Variants in AKNAD1 observed in about 807,000 individuals in gnomAD.
AKNAD1 encodes the protein protein AKNAD1.
In AKNAD1, 67 loss-of-function variants were observed where a neutral mutation model predicts 90.8. The observed-to-expected ratio is 0.74, with a 90% CI of 0.61 to 0.90. The LOEUF is 0.90. Ranked by LOEUF, AKNAD1 falls within the 40% of genes least tolerant of loss-of-function variation. AKNAD1 has a pLI of 0.00. For synonymous variants in AKNAD1, 327 were observed against 341.4 expected, an observed-to-expected ratio of 0.96 and a Z score of 0.46; for missense variants, 957 against 975.4, an observed-to-expected ratio of 0.98 and a Z score of 0.25.
At chr1:108,841,361 T>C (rs1183677687) in intron 6 of AKNAD1, among the ~76,000 whole-genome samples, 2 of 151,824 alleles carry the variant, frequency 1.3e-5, no homozygotes, top group Non-Finnish European at 2.9e-5. Context: ...TTGAGGGAAG[T>C]TGTGATCTTT....
chr1:108,850,486 G>A (rs1664817725), intron 2 of AKNAD1, among the ~76,000 whole-genome samples: 2 of 152,144 alleles, frequency 1.3e-5, no homozygotes, highest in African/African-American at 2.4e-5. Flanking sequence ...ATACCACGGG[G>A]GTGTAGGTTT....
At chr1:108,836,660 A>T (rs1664396661) in intron 7 of AKNAD1, 1 of 152,210 alleles carries the variant, frequency 6.6e-6, no homozygotes, top group South Asian at 2.1e-4. Flanking sequence ...CTTTGACAAA[A>T]TCCTCATTCA....
At chr1:108,853,126 TTTC>T (rs1664919890) in intron 1 of AKNAD1, among the ~76,000 whole-genome samples, 1 of 139,256 alleles carries the variant, frequency 7.2e-6, no homozygotes, top group African/African-American at 2.9e-5. Flanking sequence ...ATTGATTTTT[TTTC>T]TTTTTTCTTT....
intron 2 of AKNAD1, 72 bp downstream of exon 2, chr1:108,851,600 T>C: frequency 1.4e-6 from 2 of 1,434,530 alleles, no homozygotes; most frequent in Non-Finnish European, 1.9e-6. Context: ...CTATTCACCC[T>C]CCAAAAACCC....
Position 108,817,039 on chromosome 1 carries a change from A to T in AKNAD1, c.2379+9T>A, listed in dbSNP as rs751358798. 6.2e-7 allele frequency: 1 copy of T among 1,613,640 alleles called. No homozygotes were observed. Among genetic ancestry groups the T allele is most frequent in the South Asian group, 1.1e-5 (1 of 90,956 alleles). On this transcript the variant is annotated intron_variant, in intron 15 of 15. Coordinates refer to ENST00000370001, the MANE Select transcript of AKNAD1 (RefSeq NM_152763.5). ...GCAATGCTTCTCGAATGATTTTCTA[A>T]GTCCTCACCTCAGATTTTATTTCTT...
Position 108,823,433 on chromosome 1 carries a change from G to A in AKNAD1, c.2104C>T (p.His702Tyr), listed in dbSNP as rs1023388636. The A allele has an allele frequency of 2.5e-6, 4 of 1,614,164 alleles. No homozygotes were observed. Among genetic ancestry groups the A allele is most frequent in the Non-Finnish European group, 3.4e-6 (4 of 1,180,004 alleles). ...TGGACAAAGGCACCTCTTTTGCTAT[G>A]ATTTGAGTAATTCTGTCCTGGAGTG... ...YNTPGQNYSN[H>Y]SKRGAFVQPH... is the part of the protein sequence containing the mutation. Residue 702 changes from histidine (H) to tyrosine (Y), a missense_variant, in exon 13 of 16, where the codon CAT becomes TAT. By Grantham distance (83) the His-to-Tyr change is moderately conservative. Coordinates refer to ENST00000370001, the MANE Select transcript of AKNAD1 (RefSeq NM_152763.5).
rs1256187992 is a variant in AKNAD1, at chr1:108,852,621, TC to T, written c.43del (p.Glu15ArgfsTer14). 2.5e-6 allele frequency: 4 copies of T among 1,605,902 alleles called. No individual in the cohort carries two copies. The highest frequency in any genetic ancestry group is 3.4e-6 in the Non-Finnish European group (4 of 1,176,482). On this transcript the variant is annotated frameshift_variant, in exon 2 of 16. Coordinates refer to ENST00000370001, the MANE Select transcript of AKNAD1 (RefSeq NM_152763.5). LOFTEE classifies it high-confidence loss of function. ...DFSEHTTYKQ[E>X]DLPYDGDLSQ... Reference sequence around the variant, plus strand: ...GAGGTCCCCATCATAAGGCAAATCCTCCTGCTTATAAGTCGTGTGTTCTGAA... The same window carrying T: ...GAGGTCCCCATCATAAGGCAAATCCTCTGCTTATAAGTCGTGTGTTCTGAA...
rs1663635922 is a variant in AKNAD1, at chr1:108,817,077, A to C, written c.2350T>G (p.Phe784Val). The change falls in exon 15 of 16, where the codon TTT (phenylalanine) becomes GTT (valine). Residue 784 changes from phenylalanine to valine, a missense_variant. Transcript: ENST00000370001. ...RISGSKSLCD[F>V]DSTEEIKSEI... ...GATTTTATTTCTTCAGTGCTATCAA[A>C]GTCACATAAGGATTTGCTTCCAGAA... 6.2e-7 allele frequency: 1 copy of C among 1,614,164 alleles called. No homozygotes were observed. The highest frequency in any genetic ancestry group is 1.3e-5 in the African/African-American group (1 of 75,040).
At chr1:108,843,742 G>A (rs576265198) in intron 5 of AKNAD1, among the ~76,000 whole-genome samples, 80 of 152,350 alleles carry the variant, frequency 5.3e-4, no homozygotes, top group Non-Finnish European at 9.6e-4. Flanking sequence ...AAAAGGAACT[G>A]TAGTTACATG....
Position 108,847,422 on chromosome 1 carries a change from T to A in AKNAD1, c.1245+1330A>T, listed in dbSNP as rs568718948. On this transcript the variant is annotated intron_variant, in intron 5 of 15. Coordinates refer to ENST00000370001, the MANE Select transcript of AKNAD1 (RefSeq NM_152763.5). ...GAGATCACACCACTGCACTCTAGCA[T>A]GAGTGACAGAATGAGACCGTGTCTC... is the stretch of plus-strand genomic sequence containing the variant. Among the ~76,000 whole-genome samples, 89 of 146,526 alleles carry A rather than the reference T, an allele frequency of 6.1e-4. 1 individual carries two copies. Among genetic ancestry groups the A allele is most frequent in the African/African-American group, 2.0e-3 (77 of 39,446 alleles).
chr1:108,826,014 T>C (rs1228660441), intron 11 of AKNAD1, among the ~76,000 whole-genome samples: 1 of 151,768 alleles, frequency 6.6e-6, no homozygotes, highest in African/African-American at 2.4e-5. Context: ...CACAGCTATA[T>C]GGCTGGTAAA....
Position 108,823,394 on chromosome 1 carries a change from C to T in AKNAD1, c.2143G>A (p.Asp715Asn). Residue 715 changes from aspartate (D) to asparagine (N), a missense_variant, in exon 13 of 16, where the codon GAT becomes AAT. Physicochemically the swap from Asp to Asn is conservative, Grantham distance 23. Transcript: ENST00000370001. ...RGAFVQPHSL[D>N]ESKNSSPSFL... ...CAGGGTGAAGAGTTTTTACTTTCAT[C>T]TAAAGAATGGGGCTGGACAAAGGCA... The T allele has an allele frequency of 6.2e-7, 1 of 1,613,968 alleles. No homozygotes were observed. Among genetic ancestry groups the T allele is most frequent in the Non-Finnish European group, 8.5e-7 (1 of 1,179,868 alleles).
intron 11 of AKNAD1, among the ~76,000 whole-genome samples, chr1:108,826,388 C>T (rs1042538474): frequency 6.6e-6 from 1 of 151,722 alleles, no homozygotes; most frequent in Admixed American, 6.6e-5. Flanking sequence ...CCAGCCCCAC[C>T]TCTTCTCCCA....
chr1:108,841,214 GAAATA>G (rs1167207765), intron 6 of AKNAD1, among the ~76,000 whole-genome samples: 1 of 151,696 alleles, frequency 6.6e-6, no homozygotes, highest in Non-Finnish European at 1.5e-5. Flanking sequence ...AATAATAAAA[GAAATA>G]AAATGATGGA....
intron 6 of AKNAD1, among the ~76,000 whole-genome samples, chr1:108,839,268 G>C (rs926658260): frequency 1.3e-5 from 2 of 152,046 alleles, no homozygotes; most frequent in Admixed American, 1.3e-4. Context: ...GGTGGATCAC[G>C]AGGTCAGGAG....
At chr1:108,830,811 G>A (rs1047995559) in intron 9 of AKNAD1, 161 bp from the exon 10 acceptor site, 2 of 659,596 alleles carry the variant, frequency 3.0e-6, no homozygotes, top group Non-Finnish European at 5.4e-6. Context: ...GGGAGGCGCA[G>A]GGGGACAGGA....
intron 1 of AKNAD1, among the ~76,000 whole-genome samples, chr1:108,853,016 A>G (rs1441189181): frequency 6.6e-6 from 1 of 152,088 alleles, no homozygotes; most frequent in Non-Finnish European, 1.5e-5. Flanking sequence ...TGAGGATGAC[A>G]TTAGTCTACA....
rs745393726 is a variant in AKNAD1, at chr1:108,852,410, G to A, written c.255C>T (p.Asp85=). The A allele has an allele frequency of 4.3e-5, 70 of 1,613,550 alleles. No homozygotes were observed. The highest frequency in any genetic ancestry group is 8.8e-5 in the South Asian group (8 of 91,038). ...CTGCAGTGCATTGTTTCTCTTTCTC[G>A]TCTTTTTTGTTGGCAGCATTTTCAG... The part of the protein sequence containing the change: ...KITENAANKK[D]EKEKQCTAAL... Residue 85 remains aspartate (D), a synonymous_variant, in exon 2 of 16, where the codon GAC becomes GAT. Coordinates refer to ENST00000370001, the MANE Select transcript of AKNAD1 (RefSeq NM_152763.5).
chr1:108,854,182 T>C (rs951241917), intron 1 of AKNAD1, among the ~76,000 whole-genome samples: 10 of 152,242 alleles, frequency 6.6e-5, no homozygotes, highest in African/African-American at 2.4e-4. Flanking sequence ...GTATGAGTCC[T>C]ATTTTCTCTT....
Sources: allele counts gnomAD v4.1 joint callset (sites outside exome capture counted in the v4.1 genomes callset), GRCh38; gene constraint gnomAD v4.1.1; transcripts MANE v1.5; gene names NCBI Gene and HGNC (gene_info 2026-07-23, HGNC 2026-07-21).